TMEM204: variants seen among roughly 807,000 people sequenced by gnomAD.
TMEM204 encodes claudin-like protein 24.
TMEM204 carries 15 observed loss-of-function variants against 19.4 expected under a neutral mutation model. That is an observed-to-expected ratio of 0.77 (90% CI 0.52 to 1.19). The LOEUF (loss-of-function observed/expected upper bound fraction) is 1.19, where lower values mean the gene tolerates loss of function less well. Among genes scored for constraint, TMEM204 ranks in the 50% most tolerant of loss-of-function variants. TMEM204 has a pLI of 0.00. For missense variants in TMEM204, 287 were observed against 321.2 expected, an observed-to-expected ratio of 0.89 and a Z score of 0.81; for synonymous variants, 161 against 146.0, an observed-to-expected ratio of 1.10 and a Z score of -0.74.
At chr16:1,529,520 G>A (rs920406063), upstream of TMEM204, among the ~76,000 whole-genome samples, 2 of 152,212 alleles carry the variant, frequency 1.3e-5, no homozygotes, top group South Asian at 2.1e-4. Context: ...CCTGATCTCC[G>A]ATTCGCGCTC....
chr16:1,553,888 G>A lies in TMEM204; in HGVS notation c.437-894G>A. On this transcript the variant is annotated intron_variant, in intron 2 of 2. Transcript: ENST00000566264. This position sits in a 1 kb window ranked among gnomAD's most constrained non-coding sequence, Gnocchi z 4.4. ...TGGTAGACTCTAGTCACGAAACCCT[G>A]ATTTTCCTGTTGTAAGAACTAAAAA... 1.6e-6 allele frequency: 2 copies of A among 1,264,248 alleles called. No homozygotes were observed. Among genetic ancestry groups the A allele is most frequent in the Non-Finnish European group, 2.1e-6 (2 of 974,834 alleles). 78.3% of individuals were successfully genotyped at this position (1,264,248 alleles called of 1,614,324 possible). A position where few individuals can be genotyped will look rare whatever the true frequency, so the allele number is the denominator to read the frequency against.
chr16:1,543,728 G>A (rs1407132165), intron 2 of TMEM204, among the ~76,000 whole-genome samples: 1 of 152,194 alleles, frequency 6.6e-6, no homozygotes, highest in Non-Finnish European at 1.5e-5. Context: ...GAAAACATGA[G>A]ACTCTCAACG....
At position 1,553,831 on chromosome 16, in the gene TMEM204, T is replaced by A; in HGVS notation, c.437-951T>A. 8.3e-7 allele frequency: 1 copy of A among 1,209,540 alleles called. No individual in the cohort carries two copies. Among genetic ancestry groups the A allele is most frequent in the Non-Finnish European group, 1.1e-6 (1 of 950,768 alleles). The allele number at this position is 1,209,540 out of a possible 1,614,324, so 74.9% of individuals were successfully genotyped here. A position where few individuals can be genotyped will look rare whatever the true frequency, so the allele number is the denominator to read the frequency against. ...AGCTGGATTAGGACGCCCGGCTCCA[T>A]CGCTGCGGCCACAGTGTCCTGTTAT... On this transcript the variant is annotated intron_variant, in intron 2 of 2. Coordinates refer to ENST00000566264, the MANE Select transcript of TMEM204 (RefSeq NM_024600.6). The surrounding 1 kb of genome is among the most constrained non-coding windows in gnomAD (Gnocchi z 4.4).
chr16:1,528,713 G>GC (rs1310286629), upstream of TMEM204: 1 of 153,120 alleles, frequency 6.5e-6, no homozygotes, highest in East Asian at 1.9e-4. Context: ...CAGCAGCCCT[G>GC]CAGCCTCCCC....
chr16:1,538,549 G>C (rs1247844922), intron 1 of TMEM204, among the ~76,000 whole-genome samples: 1 of 152,064 alleles, frequency 6.6e-6, no homozygotes, highest in African/African-American at 2.4e-5. Context: ...CCAGGGCAGA[G>C]CGCAGAGCCC....
upstream of TMEM204, among the ~76,000 whole-genome samples, chr16:1,530,074 C>T (rs114897488): frequency 0.012 from 1,853 of 151,180 alleles, 48 homozygotes; most frequent in African/African-American, 0.043. Context: ...GTAAACACCA[C>T]GTTGTAAGAC....
At chr16:1,543,721 A>G (rs200218089) in intron 2 of TMEM204, among the ~76,000 whole-genome samples, 1 of 152,220 alleles carries the variant, frequency 6.6e-6, no homozygotes, top group East Asian at 1.9e-4. Context: ...CTGCAGGGAA[A>G]ACATGAGACT....
chr16:1,530,903 C>T (rs2030408394), upstream of TMEM204: 1 of 152,326 alleles, frequency 6.6e-6, no homozygotes, highest in African/African-American at 2.4e-5. Flanking sequence ...GTGCGGCCAC[C>T]AGTGGAGGCT....
chr16:1,553,479 G>C lies in TMEM204; in HGVS notation c.437-1303G>C, dbSNP rs1017937274. On this transcript the variant is annotated intron_variant, in intron 2 of 2. Coordinates refer to ENST00000566264, the MANE Select transcript of TMEM204 (RefSeq NM_024600.6). The surrounding 1 kb of genome is among the most constrained non-coding windows in gnomAD (Gnocchi z 4.4). ...GTGTCAACATGCAGGCCAGGCGGAG[G>C]GACAGCAGTGGGGCTCGGCGTGGCC... The C allele has an allele frequency of 2.0e-6, 2 of 985,480 alleles. No individual in the cohort carries two copies. The allele number at this position is 985,480 out of a possible 1,614,324, so 61.0% of individuals were successfully genotyped here. A position where few individuals can be genotyped will look rare whatever the true frequency, so the allele number is the denominator to read the frequency against.
At chr16:1,542,270 G>A (rs2031724536) in intron 2 of TMEM204, among the ~76,000 whole-genome samples, 194 bp downstream of exon 2, 1 of 152,256 alleles carries the variant, frequency 6.6e-6, no homozygotes, top group Non-Finnish European at 1.5e-5. Flanking sequence ...ATGAAAGACA[G>A]AAACACACCC....
intron 2 of TMEM204, among the ~76,000 whole-genome samples, chr16:1,545,255 A>T (rs534794530): frequency 1.4e-4 from 22 of 152,004 alleles, no homozygotes; most frequent in African/African-American, 5.1e-4. Context: ...AGGTTGGACC[A>T]GGCTCTGTTC....
upstream of TMEM204, chr16:1,532,655 G>A (rs1047448521): frequency 6.6e-6 from 1 of 152,276 alleles, no homozygotes; most frequent in Admixed American, 6.5e-5. Context: ...GTGTGCCCAT[G>A]AACAGTTTGC....
In TMEM204 at chr16:1,554,863, T is replaced by C. The variant is rs1425979941; in HGVS notation, c.518T>C (p.Ile173Thr). The change falls in exon 3 of 3, where the codon ATT becomes ACT. Residue 173 changes from isoleucine to threonine, a missense_variant. Coordinates refer to ENST00000566264, the MANE Select transcript of TMEM204 (RefSeq NM_024600.6). The stretch of plus-strand genomic sequence containing the variant: ...CTGTCCTGGTCCTGCTACCTGAACA[T>C]TGGCGCCTGCCTTCTGGCCACGCTG... Reference protein sequence around the residue: ...TNLSWSCYLNIGACLLATLAA... With the variant: ...TNLSWSCYLNTGACLLATLAA... 5 of 1,614,072 alleles carry C rather than the reference T, an allele frequency of 3.1e-6. No individual in the cohort carries two copies. Among genetic ancestry groups the C allele is most frequent in the East Asian group, 2.2e-5 (1 of 44,896 alleles).
chr16:1,536,134 C>T (rs1415173673), intron 1 of TMEM204, among the ~76,000 whole-genome samples: 1 of 152,244 alleles, frequency 6.6e-6, no homozygotes, highest in Non-Finnish European at 1.5e-5. Context: ...GGCCGCAGCT[C>T]TGCACCTCCA....
At chr16:1,537,543 TCCTGTGG>T (rs2031198321) in intron 1 of TMEM204, among the ~76,000 whole-genome samples, 1 of 152,188 alleles carries the variant, frequency 6.6e-6, no homozygotes, top group African/African-American at 2.4e-5. Flanking sequence ...GCCAGGGGTG[TCCTGTGG>T]CCTGTGGTGA....
rs2032800565 is a variant in TMEM204, at chr16:1,553,061, C to T, written c.437-1721C>T. The T allele has an allele frequency of 3.0e-6, 3 of 985,292 alleles. No individual in the cohort carries two copies. The South Asian group carries it at 1.4e-4, about 46-fold the overall frequency. 61.0% of individuals were successfully genotyped at this position (985,292 alleles called of 1,614,324 possible). The stretch of plus-strand genomic sequence containing the variant: ...ACAGAAACCAGTCACTGTCATTGTT[C>T]AGGACAAAATGGAGATAGATAAATG... On this transcript the variant is annotated intron_variant, in intron 2 of 2. Coordinates refer to ENST00000566264, the MANE Select transcript of TMEM204 (RefSeq NM_024600.6). The surrounding 1 kb of genome is among the most constrained non-coding windows in gnomAD (Gnocchi z 4.4).
intron 2 of TMEM204, among the ~76,000 whole-genome samples, chr16:1,544,257 C>A (rs1430272993): frequency 6.6e-6 from 1 of 151,334 alleles, no homozygotes; most frequent in Admixed American, 6.6e-5. Flanking sequence ...AATCTCGGCT[C>A]ACTGCAAGCT....
Position 1,542,003 on chromosome 16 carries a change from G to A in TMEM204, c.363G>A (p.Leu121=). The change falls in exon 2 of 3, where the codon CTG becomes CTA. Residue 121 remains leucine (L), a synonymous_variant. Coordinates refer to ENST00000566264, the MANE Select transcript of TMEM204 (RefSeq NM_024600.6). ...TAGQLTFLLG[L]VGLPLLSPDA... is the part of the protein sequence containing the mutation. ...GCCAGCTCACCTTCCTCCTGGGGCTGGTGGGCCTGCCCCTGCTGTCACCCG... is the reference window on the plus strand; with the variant it reads ...GCCAGCTCACCTTCCTCCTGGGGCTAGTGGGCCTGCCCCTGCTGTCACCCG... 1.2e-6 allele frequency: 2 copies of A among 1,611,448 alleles called. No homozygotes were observed. Among genetic ancestry groups the A allele is most frequent in the South Asian group, 1.1e-5 (1 of 91,038 alleles).
Position 1,553,969 on chromosome 16 carries a change from T to G in TMEM204, c.437-813T>G, listed in dbSNP as rs963496559. The G allele has an allele frequency of 1.5e-5, 19 of 1,287,178 alleles. No homozygotes were observed. Among genetic ancestry groups the G allele is most frequent in the Non-Finnish European group, 1.8e-5 (18 of 988,644 alleles). 79.7% of individuals were successfully genotyped at this position (1,287,178 alleles called of 1,614,324 possible). ...TAAGTGAAACTGTAGCATCAGCGAC[T>G]AACTAGACGGGAACAAGCTGCGCCA... is the stretch of plus-strand genomic sequence containing the variant. On this transcript the variant is annotated intron_variant, in intron 2 of 2. Coordinates refer to ENST00000566264, the MANE Select transcript of TMEM204 (RefSeq NM_024600.6). The surrounding 1 kb of genome is among the most constrained non-coding windows in gnomAD (Gnocchi z 4.4).
Sources: allele counts gnomAD v4.1 joint callset (sites outside exome capture counted in the v4.1 genomes callset), GRCh38; gene constraint gnomAD v4.1.1; non-coding constraint Gnocchi (gnomAD v3.1); transcripts MANE v1.5; gene names NCBI Gene and HGNC (gene_info 2026-07-23, HGNC 2026-07-21).